Variants in MYO9A observed in about 807,000 individuals in gnomAD.
MYO9A encodes unconventional myosin-IXa.
MYO9A carries 103 observed loss-of-function variants against 293.3 expected under a neutral mutation model. That is an observed-to-expected ratio of 0.35 (90% CI 0.30 to 0.41). The LOEUF is 0.41. Among genes scored for constraint, MYO9A ranks in the 10% least tolerant of loss-of-function variants. MYO9A has a pLI of 1.00. For synonymous variants in MYO9A, 1,001 were observed against 1,035.7 expected, an observed-to-expected ratio of 0.97 and a Z score of 0.64; for missense variants, 2,685 against 3,033.0, an observed-to-expected ratio of 0.89 and a Z score of 2.69.
At chr15:72,086,020 G>A (rs1013493742) in intron 1 of MYO9A, among the ~76,000 whole-genome samples, 4 of 152,180 alleles carry the variant, frequency 2.6e-5, no homozygotes, top group African/African-American at 9.7e-5. Flanking sequence ...GGGTAGGAGG[G>A]TGTCAAGGTG....
chr15:71,849,935 C>CAGAATTTA, intron 38 of MYO9A, 101 bp downstream of exon 38: 2 of 944,208 alleles, frequency 2.1e-6, no homozygotes, highest in Non-Finnish European at 2.9e-6. Context: ...TTAAAAACAC[C>CAGAATTTA]TGAATTTATG....
intron 9 of MYO9A, among the ~76,000 whole-genome samples, chr15:71,997,322 C>G (rs990092181): frequency 1.3e-5 from 2 of 152,100 alleles, no homozygotes; most frequent in Non-Finnish European, 2.9e-5. Context: ...GAAATAACAG[C>G]CGGGCGTGGT....
At chr15:71,917,606 G>C (rs1000351175) in intron 18 of MYO9A, among the ~76,000 whole-genome samples, 1 of 152,148 alleles carries the variant, frequency 6.6e-6, no homozygotes, top group South Asian at 2.1e-4. Context: ...TAAAAATTAG[G>C]AAAATGGGAG....
At chr15:71,849,945 G>GAACCCATTCACTATTTTATT in intron 38 of MYO9A, 91 bp downstream of exon 38, 1 of 1,488,370 alleles carries the variant, frequency 6.7e-7, no homozygotes, top group Non-Finnish European at 9.3e-7. Context: ...CTGAATTTAT[G>GAACCCATTCACTATTTTATT]AACCCATTCA....
At chr15:71,827,168 G>T in intron 41 of MYO9A, 125 bp from the exon 42 acceptor site, 1 of 680,196 alleles carries the variant, frequency 1.5e-6, no homozygotes, top group Non-Finnish European at 2.4e-6. Flanking sequence ...GGTCCAGGAT[G>T]ACTTACTATG....
At position 71,824,416 on chromosome 15, in the gene MYO9A, G is replaced by C. The variant is rs1322770030; in HGVS notation, c.*2164C>G. On this transcript the variant is annotated 3_prime_UTR_variant, in exon 42 of 42. Transcript: ENST00000356056. The stretch of plus-strand genomic sequence containing the variant: ...TTCTGGCCATTCCTCTGGGCCACAG[G>C]AAATTATTCCATAAGGGCAATCTCT... 2 of 152,150 alleles carry C rather than the reference G, an allele frequency of 1.3e-5. No individual in the cohort carries two copies. The highest frequency in any genetic ancestry group is 2.4e-5 in the African/African-American group (1 of 41,418). 9.4% of individuals were successfully genotyped at this position (152,150 alleles called of 1,614,324 possible).
At chr15:71,880,579 C>T (rs2056844521) in intron 28 of MYO9A, 21 bp from the exon 29 acceptor site, 2 of 1,579,326 alleles carry the variant, frequency 1.3e-6, no homozygotes, top group South Asian at 1.1e-5. Context: ...AGATAGAAGA[C>T]CCAAAAGGAC....
At chr15:72,104,834 CA>C (rs1179545431) in intron 1 of MYO9A, among the ~76,000 whole-genome samples, 1 of 151,364 alleles carries the variant, frequency 6.6e-6, no homozygotes, top group African/African-American at 2.4e-5. Context: ...AGATTTAAGA[CA>C]AAAAAAGAGA....
chr15:71,854,192 C>A (rs2055771743), intron 35 of MYO9A, among the ~76,000 whole-genome samples, 185 bp downstream of exon 35: 1 of 152,116 alleles, frequency 6.6e-6, no homozygotes, highest in Admixed American at 6.5e-5. Context: ...TATATGTCTG[C>A]TGAGTTGACC....
intron 15 of MYO9A, among the ~76,000 whole-genome samples, chr15:71,942,496 G>A (rs182296068): frequency 4.6e-5 from 7 of 151,820 alleles, no homozygotes; most frequent in Admixed American, 2.6e-4. Flanking sequence ...TGATACATCT[G>A]GAATTTTTTT....
chr15:71,964,403 C>CT (rs2075819089), intron 13 of MYO9A, among the ~76,000 whole-genome samples: 1 of 151,874 alleles, frequency 6.6e-6, no homozygotes, highest in Admixed American at 6.6e-5. Flanking sequence ...TCCCAGCACT[C>CT]TGGGAGACTG....
At chr15:71,927,774 C>A (rs985836629) in intron 18 of MYO9A, among the ~76,000 whole-genome samples, 1 of 151,404 alleles carries the variant, frequency 6.6e-6, no homozygotes, top group Non-Finnish European at 1.5e-5. Flanking sequence ...AAGTCTTTAA[C>A]CTACTTGGTT....
chr15:72,117,975 G>C lies in MYO9A; in HGVS notation c.-367C>G, dbSNP rs1200759940. On this transcript the variant is annotated 5_prime_UTR_variant, in exon 1 of 42. Coordinates refer to ENST00000356056, the MANE Select transcript of MYO9A (RefSeq NM_006901.4). ...ACCGCTGCCAGCGGCCGCCTCTGCCGGTGCAACTACTGCCTCCGCCGCCGC... is the reference window on the plus strand; with the variant it reads ...ACCGCTGCCAGCGGCCGCCTCTGCCCGTGCAACTACTGCCTCCGCCGCCGC... 2.5e-6 allele frequency: 1 copy of C among 400,634 alleles called. No individual in the cohort carries two copies. Among genetic ancestry groups the C allele is most frequent in the Non-Finnish European group, 4.4e-6 (1 of 227,950 alleles). The allele number at this position is 400,634 out of a possible 1,614,324, so 24.8% of individuals were successfully genotyped here.
chr15:71,917,351 AC>A (rs2058037359), intron 18 of MYO9A, among the ~76,000 whole-genome samples: 1 of 152,144 alleles, frequency 6.6e-6, no homozygotes, highest in Non-Finnish European at 1.5e-5. Context: ...CCTGGCTAAC[AC>A]AGTGAAACCC....
intron 39 of MYO9A, 123 bp downstream of exon 39, chr15:71,848,722 G>T: frequency 1.8e-6 from 2 of 1,137,652 alleles, no homozygotes; most frequent in South Asian, 4.2e-5. Context: ...TTGAGATTTG[G>T]TGACGTTTTA....
At chr15:71,956,652 T>A (rs973676654) in intron 14 of MYO9A, among the ~76,000 whole-genome samples, 6 of 149,952 alleles carry the variant, frequency 4.0e-5, no homozygotes, top group African/African-American at 1.2e-4. Flanking sequence ...TCTCAAAAAA[T>A]ATATATATCT....
intron 20 of MYO9A, 46 bp from the exon 21 acceptor site, chr15:71,904,085 A>G: frequency 7.1e-7 from 1 of 1,410,936 alleles, no homozygotes; most frequent in Non-Finnish European, 9.9e-7. Context: ...TAGATCTCCA[A>G]ATTAATTATC....
At chr15:71,876,414 G>A (rs910247582) in intron 31 of MYO9A, among the ~76,000 whole-genome samples, 21 of 140,612 alleles carry the variant, frequency 1.5e-4, no homozygotes, top group African/African-American at 5.7e-4. Context: ...GAGCCACCAC[G>A]CCTGGCTGGT....
intron 11 of MYO9A, among the ~76,000 whole-genome samples, chr15:71,985,375 G>C (rs2076384885): frequency 6.6e-6 from 1 of 152,150 alleles, no homozygotes; most frequent in Non-Finnish European, 1.5e-5. Context: ...TCTTCTTCTG[G>C]TGGAGATTGT....
Sources: gnomAD v4.1 joint callset for allele counts (sites outside exome capture counted in the v4.1 genomes callset) on GRCh38, gnomAD v4.1.1 for gene constraint, MANE v1.5 for transcripts, NCBI Gene and HGNC (gene_info 2026-07-23, HGNC 2026-07-21) for gene names.